GRAMD1C: variants seen among roughly 807,000 people sequenced by gnomAD.
GRAMD1C encodes GRAM domain containing 1C, also known as protein Aster-C.
GRAMD1C carries 89 observed loss-of-function variants against 97.8 expected under a neutral mutation model. That is an observed-to-expected ratio of 0.91 (90% CI 0.77 to 1.09). The LOEUF (loss-of-function observed/expected upper bound fraction) is 1.09. Ranked by LOEUF, GRAMD1C falls within the 50% of genes least tolerant of loss-of-function variation. The pLI, the probability that GRAMD1C is intolerant of heterozygous loss-of-function variation, is 0.00. For synonymous variants in GRAMD1C, 256 were observed against 267.0 expected (o/e 0.96, Z 0.40); for missense variants, 740 against 766.4 (o/e 0.97, Z 0.41).
chr3:113,940,403 C>T (rs1937714300), intron 17 of GRAMD1C, 58 bp downstream of exon 17: 1 of 963,168 alleles, frequency 1.0e-6, no homozygotes, highest in East Asian at 2.4e-5. Flanking sequence ...GAATTAGTTG[C>T]TCTTCTGTGT....
chr3:113,915,609 A>G (rs1466791128), intron 9 of GRAMD1C, 92 bp from the exon 10 acceptor site: 3 of 970,586 alleles, frequency 3.1e-6, no homozygotes, highest in South Asian at 3.3e-5. Context: ...TATGCCCAAA[A>G]TAAAAAAAGA....
chr3:113,916,394 C>G (rs904478679), intron 10 of GRAMD1C, among the ~76,000 whole-genome samples: 3 of 152,084 alleles, frequency 2.0e-5, no homozygotes, highest in Admixed American at 6.5e-5. Context: ...TGTGTATATT[C>G]CCACAAAAGA....
chr3:113,844,467 A>T (rs1353840585), intron 1 of GRAMD1C, 36 bp from the exon 2 acceptor site: 6 of 1,482,934 alleles, frequency 4.0e-6, no homozygotes, highest in Non-Finnish European at 5.6e-6. Context: ...GCCATTTCTC[A>T]ATAAATAATT....
At chr3:113,938,389 A>G (rs1267006264) in intron 15 of GRAMD1C, 3 of 315,060 alleles carry the variant, frequency 9.5e-6, no homozygotes, top group Non-Finnish European at 1.7e-5. Context: ...TTTTTTAGCT[A>G]ATCTGATTAA....
intron 10 of GRAMD1C, among the ~76,000 whole-genome samples, chr3:113,921,189 G>T (rs11717731): frequency 0.2 from 30,691 of 152,018 alleles, 3,123 homozygotes; most frequent in African/African-American, 0.23. Flanking sequence ...GCAGTAGTTC[G>T]CTCAGGATAA....
At position 113,829,178 on chromosome 3, in the gene GRAMD1C, G is replaced by A. The variant is rs144743376; in HGVS notation, n.98+899G>A. ...TGGCTCACATCTGTAATCCCAGCAC[G>A]AGGGAAGGCCAGAACAGGAGGATCA... On this transcript the variant is annotated intron_variant and non_coding_transcript_variant, in intron 1 of 18. Coordinates refer to the GRAMD1C transcript ENST00000479212. Among the ~76,000 whole-genome samples the A allele has an allele frequency of 4.0e-3, 608 of 152,192 alleles. 8 individuals are homozygous for A. The highest frequency in any genetic ancestry group is 0.031 in the South Asian group (149 of 4,818).
intron 10 of GRAMD1C, among the ~76,000 whole-genome samples, chr3:113,922,579 T>A (rs1194319622): frequency 1.3e-5 from 2 of 152,164 alleles, no homozygotes; most frequent in East Asian, 3.9e-4. Flanking sequence ...GAAGACCAGA[T>A]GGTTGTAGGT....
chr3:113,860,782 A>G (rs1028964057), intron 2 of GRAMD1C, among the ~76,000 whole-genome samples: 2 of 152,068 alleles, frequency 1.3e-5, no homozygotes, highest in Non-Finnish European at 2.9e-5. Flanking sequence ...CCTGGCTAAC[A>G]TGGTGAAAGC....
At position 113,877,816 on chromosome 3, in the gene GRAMD1C, T is replaced by C. The variant is rs188162291; in HGVS notation, c.459+1556T>C. On this transcript the variant is annotated intron_variant, in intron 5 of 17. Coordinates refer to ENST00000358160, the MANE Select transcript of GRAMD1C (RefSeq NM_017577.5). ...TTTTAGAGACGGAGTTTTGTTTTTA[T>C]TGCCCAGGCTCAAGGCAATGGTGTG... Among the ~76,000 whole-genome samples, 316 of 152,198 alleles carry C rather than the reference T, an allele frequency of 2.1e-3. 1 individual carries two copies. Among genetic ancestry groups the C allele is most frequent in the African/African-American group, 7.4e-3 (306 of 41,530 alleles).
intron 6 of GRAMD1C, among the ~76,000 whole-genome samples, chr3:113,890,454 A>G (rs1935677096): frequency 6.6e-6 from 1 of 152,156 alleles, no homozygotes; most frequent in Non-Finnish European, 1.5e-5. Context: ...GCTGCTCTCA[A>G]CTCAGCTCTA....
At chr3:113,869,965 T>A (rs1262504152) in intron 3 of GRAMD1C, among the ~76,000 whole-genome samples, 2 of 152,076 alleles carry the variant, frequency 1.3e-5, no homozygotes, top group Non-Finnish European at 2.9e-5. Flanking sequence ...TGGATGGAAC[T>A]GGAGGACATT....
intron 5 of GRAMD1C, among the ~76,000 whole-genome samples, chr3:113,876,919 GGGA>G (rs1935067034): frequency 6.6e-6 from 1 of 151,908 alleles, no homozygotes; most frequent in Non-Finnish European, 1.5e-5. Flanking sequence ...AGAGTTTTGG[GGGA>G]GGAGGGGAGA....
chr3:113,856,189 G>GAATTTAACACATTTATTCT (rs1934120760), intron 2 of GRAMD1C, among the ~76,000 whole-genome samples: 2 of 151,806 alleles, frequency 1.3e-5, no homozygotes, highest in African/African-American at 2.4e-5. Flanking sequence ...TGCCCAGCTG[G>GAATTTAACACATTTATTCT]AATTTAACAC....
intron 1 of GRAMD1C, among the ~76,000 whole-genome samples, chr3:113,840,459 C>T (rs897561559): frequency 1.3e-5 from 2 of 151,924 alleles, no homozygotes; most frequent in South Asian, 2.1e-4. Context: ...CATTGTGGCC[C>T]AGTGCAGTGG....
intron 2 of GRAMD1C, among the ~76,000 whole-genome samples, chr3:113,855,454 A>G (rs1242274981): frequency 2.6e-5 from 4 of 152,248 alleles, no homozygotes; most frequent in Non-Finnish European, 5.9e-5. Flanking sequence ...CTGTAATCCC[A>G]GCACTTTGGG....
At chr3:113,944,441 G>A (rs1937968125) in intron 17 of GRAMD1C, among the ~76,000 whole-genome samples, 1 of 152,156 alleles carries the variant, frequency 6.6e-6, no homozygotes, top group African/African-American at 2.4e-5. Context: ...CTCGACCTGA[G>A]CTCTAGACTC....
At chr3:113,885,628 G>A (rs1935447007) in intron 6 of GRAMD1C, 4 of 1,498,648 alleles carry the variant, frequency 2.7e-6, no homozygotes, top group East Asian at 2.3e-5. Context: ...GTACGTAAGA[G>A]GCCCCATGTG....
chr3:113,851,199 CAG>C (rs760297926), intron 2 of GRAMD1C, among the ~76,000 whole-genome samples: 1 of 152,112 alleles, frequency 6.6e-6, no homozygotes, highest in Non-Finnish European at 1.5e-5. Context: ...TAAGTTTACT[CAG>C]GGGTCCTTTG....
chr3:113,911,970 G>C lies in GRAMD1C; in HGVS notation c.952+2850G>C, dbSNP rs570564491. 3.8e-3 allele frequency among the ~76,000 whole-genome samples: 582 copies of C among 152,026 alleles called. 5 individuals carry two copies. Among genetic ancestry groups the C allele is most frequent in the African/African-American group, 0.014 (570 of 41,470 alleles). On this transcript the variant is annotated intron_variant, in intron 9 of 17. Coordinates refer to ENST00000358160, the MANE Select transcript of GRAMD1C (RefSeq NM_017577.5). The stretch of plus-strand genomic sequence containing the variant: ...TCTTGATCTCCTGACCTCGTGATCA[G>C]CCCGCCTCGGCCTCCCAAAATGCTG...
Sources: gnomAD v4.1 joint callset for allele counts (sites outside exome capture counted in the v4.1 genomes callset) on GRCh38, gnomAD v4.1.1 for gene constraint, MANE v1.5 for transcripts, NCBI Gene and HGNC (gene_info 2026-07-23, HGNC 2026-07-21) for gene names.